Variants in RBBP7 observed in about 807,000 individuals in gnomAD.
RBBP7 encodes the protein histone-binding protein RBBP7.
In RBBP7, 5 loss-of-function variants were observed where a neutral mutation model predicts 35.2. That is an observed-to-expected ratio of 0.14 (90% CI 0.07 to 0.30). The LOEUF (loss-of-function observed/expected upper bound fraction) is 0.30, where lower values mean the gene tolerates loss of function less well. RBBP7 is among the 10% of genes least tolerant of loss of function. RBBP7 has a pLI of 1.00. For missense variants in RBBP7, 155 were observed against 327.5 expected (o/e 0.47, Z 4.07); for synonymous variants, 140 against 118.7 (o/e 1.18, Z -1.17).
chrX:16,860,273 A>C (rs1174875899), intron 3 of RBBP7, among the ~76,000 whole-genome samples: 16 of 10,747 alleles, frequency 1.5e-3, no homozygotes, highest in African/African-American at 8.0e-3. Context: ...GCTCTCCTTT[A>C]AAAAAAAAAG....
chrX:16,847,000 G>A, intron 10 of RBBP7: 1 of 111,011 alleles, frequency 9.0e-6, no homozygotes, highest in Non-Finnish European at 1.9e-5. Flanking sequence ...GTGGTGGGGT[G>A]TGCCCATAGT....
chrX:16,860,381 T>C (rs191430782), intron 3 of RBBP7, among the ~76,000 whole-genome samples: 1 of 111,323 alleles, frequency 9.0e-6, no homozygotes, highest in Non-Finnish European at 1.9e-5. Flanking sequence ...AATGATAATA[T>C]CCATTAAAAA....
intron 3 of RBBP7, among the ~76,000 whole-genome samples, chrX:16,862,663 G>GT (rs1930503824): frequency 9.0e-6 from 1 of 111,464 alleles, no homozygotes; most frequent in African/African-American, 3.3e-5. Context: ...GATTATAGGC[G>GT]TGAGCCATGG....
In RBBP7 at chrX:16,862,981, G is replaced by A; in HGVS notation, c.281C>T (p.Ala94Val). 1 of 1,211,227 alleles carries A rather than the reference G, an allele frequency of 8.3e-7. No homozygotes were observed. Among genetic ancestry groups the A allele is most frequent in the Non-Finnish European group, 1.1e-6 (1 of 895,096 alleles). ...ACCCTTGTCACTGTCACAATGGGAAGCATCAAACTGTGCATCATCATTGGG... is the reference window on the plus strand; with the variant it reads ...ACCCTTGTCACTGTCACAATGGGAAACATCAAACTGTGCATCATCATTGGG... Reference protein sequence around the residue: ...HIPNDDAQFDASHCDSDKGEF... With the variant: ...HIPNDDAQFDVSHCDSDKGEF... The change falls in exon 3 of 12, where the codon GCT becomes GTT. Residue 94 changes from alanine to valine, a missense_variant. Around this residue, in one of 3 missense-constraint regions of RBBP7, gnomAD observed 59 missense variants for 90.4 expected, o/e 0.65. Transcript: ENST00000380087.
At chrX:16,845,179 T>A in intron 11 of RBBP7, 76 bp from the exon 12 acceptor site, 1 of 685,464 alleles carries the variant, frequency 1.5e-6, no homozygotes, top group East Asian at 3.4e-5. Context: ...CAATTTAATC[T>A]ATTTAGAACT....
At chrX:16,862,477 G>T (rs966521401) in intron 3 of RBBP7, among the ~76,000 whole-genome samples, 1 of 111,092 alleles carries the variant, frequency 9.0e-6, no homozygotes, top group Non-Finnish European at 1.9e-5. Flanking sequence ...ACACATAGCA[G>T]TTAGTCACTT....
At chrX:16,859,437 C>T (rs1930418244) in intron 3 of RBBP7, among the ~76,000 whole-genome samples, 1 of 111,988 alleles carries the variant, frequency 8.9e-6, no homozygotes, top group African/African-American at 3.3e-5. Context: ...CTCCGCCCAT[C>T]TGGTGTGTGA....
chrX:16,862,686 CTTA>C (rs1295359523), intron 3 of RBBP7, among the ~76,000 whole-genome samples: 1 of 111,475 alleles, frequency 9.0e-6, no homozygotes, highest in African/African-American at 3.3e-5. Context: ...CCTGGCCTTT[CTTA>C]TTAATTGCTG....
intron 10 of RBBP7, chrX:16,847,156 A>C (rs768861918): frequency 9.3e-6 from 1 of 107,902 alleles, no homozygotes; most frequent in Non-Finnish European, 1.9e-5. Context: ...ATAGCTTTTT[A>C]AAGTACTCTT....
intron 3 of RBBP7, among the ~76,000 whole-genome samples, chrX:16,860,833 G>A (rs548912981): frequency 2.7e-5 from 3 of 110,806 alleles, no homozygotes; most frequent in African/African-American, 9.9e-5. Context: ...CTGCAAGCCC[G>A]GTAAATACAT....
rs1930008295 is a variant in RBBP7 at position 16,844,360 on chromosome X, TTTA to T, written c.*672_*674del. The T allele has an allele frequency of 1.8e-5, 2 of 112,647 alleles. No individual in the cohort carries two copies. The highest frequency in any genetic ancestry group is 1.9e-4 in the Admixed American group (2 of 10,612). The allele number at this position is 112,647 out of a possible 1,213,427, so 9.3% of individuals were successfully genotyped here. ...TTCTAGTTTGTGCTAAACACACTGC[TTTA>T]TTTTTACAGCCCACGTCTTTCATGA... On this transcript the variant is annotated 3_prime_UTR_variant, in exon 12 of 12. Coordinates refer to ENST00000380087, the MANE Select transcript of RBBP7 (RefSeq NM_002893.4).
rs73452461 is a variant in RBBP7 at position 16,861,561 on chromosome X, T to C, written c.307+1394A>G. Among the ~76,000 whole-genome samples the C allele has an allele frequency of 9.0e-4, 100 of 111,714 alleles. 1 individual carries two copies. Among genetic ancestry groups the C allele is most frequent in the African/African-American group, 3.1e-3 (94 of 30,735 alleles). Reference sequence around the variant, plus strand: ...ACAATGTCTCACTGTGTGCCCTGAGTGGTCTTAAACTCCCAGGCTCAAGCG... The same window carrying C: ...ACAATGTCTCACTGTGTGCCCTGAGCGGTCTTAAACTCCCAGGCTCAAGCG... On this transcript the variant is annotated intron_variant, in intron 3 of 11. Coordinates refer to ENST00000380087, the MANE Select transcript of RBBP7 (RefSeq NM_002893.4).
chrX:16,850,314 G>C (rs1930182699), intron 9 of RBBP7, among the ~76,000 whole-genome samples: 1 of 112,788 alleles, frequency 8.9e-6, no homozygotes, highest in South Asian at 3.6e-4. Context: ...TGGGATTATA[G>C]ACATGAGCCG....
In RBBP7 at chrX:16,858,948, A is replaced by G. The variant is rs1193692517; in HGVS notation, c.308-99T>C. The G allele has an allele frequency of 2.8e-6, 3 of 1,084,063 alleles. No individual in the cohort carries two copies. The African/African-American group carries it at 5.5e-5, about 20-fold the overall frequency. 89.3% of individuals were successfully genotyped at this position (1,084,063 alleles called of 1,213,427 possible). A position where few individuals can be genotyped will look rare whatever the true frequency, so the allele number is the denominator to read the frequency against. ...CTAACAGATTTTGACCTGGCAGAATACAACACAAACTGACAAGACAAAGAC... is the reference window on the plus strand; with the variant it reads ...CTAACAGATTTTGACCTGGCAGAATGCAACACAAACTGACAAGACAAAGAC... On this transcript the variant is annotated intron_variant, in intron 3 of 11. Coordinates refer to ENST00000380087, the MANE Select transcript of RBBP7 (RefSeq NM_002893.4).
chrX:16,851,698 C>T (rs986680248), intron 9 of RBBP7, among the ~76,000 whole-genome samples: 5 of 112,321 alleles, frequency 4.5e-5, no homozygotes, highest in Admixed American at 2.8e-4. Context: ...CCTGCCTACA[C>T]GTACTGAGAT....
At chrX:16,848,795 T>TG (rs1930146398) in intron 10 of RBBP7, 1 of 113,051 alleles carries the variant, frequency 8.8e-6, no homozygotes, top group Admixed American at 9.5e-5. Context: ...AGATGCGTGA[T>TG]GCTTCAATCA....
intron 2 of RBBP7, among the ~76,000 whole-genome samples, chrX:16,866,449 C>G (rs1930617169): frequency 2.1e-5 from 2 of 93,160 alleles, no homozygotes; most frequent in Admixed American, 2.7e-4. Context: ...TCGCTTGAAC[C>G]CGGGAGGTGG....
intron 10 of RBBP7, chrX:16,848,319 G>C (rs934892372): frequency 7.2e-5 from 8 of 111,690 alleles, no homozygotes; most frequent in African/African-American, 2.0e-4. Context: ...CCTCCCCACT[G>C]AACTGTACAC....
At chrX:16,866,523 C>CAAA (rs55729039) in intron 2 of RBBP7, among the ~76,000 whole-genome samples, 14 of 32,590 alleles carry the variant, frequency 4.3e-4, no homozygotes, top group African/African-American at 7.1e-4. Context: ...GAGACTGTCT[C>CAAA]AAAAAAAAAA....
Sources: allele counts gnomAD v4.1 joint callset (sites outside exome capture counted in the v4.1 genomes callset), GRCh38; gene constraint gnomAD v4.1.1; regional missense constraint gnomAD v4.1.1; transcripts MANE v1.5; gene names NCBI Gene and HGNC (gene_info 2026-07-23, HGNC 2026-07-21).